The following GPHN variants were observed in gnomAD, a reference collection of about 807,000 sequenced individuals.
GPHN encodes the protein gephyrin.
In GPHN, 17 loss-of-function variants were observed where a neutral mutation model predicts 95.5. That is an observed-to-expected ratio of 0.18 (90% confidence interval 0.12 to 0.27). GPHN has a LOEUF of 0.27. Among genes scored for constraint, GPHN ranks in the 10% least tolerant of loss-of-function variants. The probability of loss-of-function intolerance (pLI) is 1.00; values close to 1 mark genes in which losing one functional copy is unlikely to be tolerated. For missense variants in GPHN, 660 were observed against 978.1 expected, an observed-to-expected ratio of 0.67 and a Z score of 4.34; for synonymous variants, 320 against 322.5, an observed-to-expected ratio of 0.99 and a Z score of 0.08.
chr14:67,546,696 C>G, the GPHN span, among the ~76,000 whole-genome samples: 1 of 152,128 alleles, frequency 6.6e-6, no homozygotes, highest in Non-Finnish European at 1.5e-5. Flanking sequence ...AGGCAGCAGA[C>G]ACATGTTTTT....
chr14:67,154,641 T>C (rs74056490), intron 18 of GPHN, among the ~76,000 whole-genome samples: 2,612 of 151,654 alleles, frequency 0.017, 88 homozygotes, highest in African/African-American at 0.06. Flanking sequence ...AAAAGAGAAG[T>C]TTCCTGTTCT....
chr14:67,301,700 C>A, the GPHN span, among the ~76,000 whole-genome samples: 23 of 152,016 alleles, frequency 1.5e-4, no homozygotes, highest in Non-Finnish European at 2.5e-4. Flanking sequence ...ATTCTTCCCC[C>A]CTTTGGTTGT....
intron 1 of GPHN, among the ~76,000 whole-genome samples, chr14:66,600,511 A>T (rs1272533537): frequency 6.6e-6 from 1 of 152,112 alleles, no homozygotes; most frequent in Non-Finnish European, 1.5e-5. Flanking sequence ...TTCACCTATC[A>T]ATACGTAACT....
At chr14:66,600,524 T>A (rs935056949) in intron 1 of GPHN, among the ~76,000 whole-genome samples, 7 of 152,142 alleles carry the variant, frequency 4.6e-5, no homozygotes, top group African/African-American at 7.2e-5. Flanking sequence ...ACGTAACTTT[T>A]AAAAAATGTG....
At chr14:67,662,536 C>T in the GPHN span, 1 of 1,607,682 alleles carries the variant, frequency 6.2e-7, no homozygotes, top group Non-Finnish European at 8.5e-7. Context: ...TTCTTTTCTT[C>T]TAGAAAAGAT....
chr14:66,934,138 CAA>C (rs376252931), intron 8 of GPHN, among the ~76,000 whole-genome samples: 19 of 78,910 alleles, frequency 2.4e-4, no homozygotes, highest in East Asian at 3.2e-4. Flanking sequence ...GACTCTGTCT[CAA>C]AAAAAAAAAA....
the GPHN span, chr14:67,388,106 G>A: frequency 1.5e-6 from 1 of 661,134 alleles, no homozygotes; most frequent in Non-Finnish European, 2.7e-6. Context: ...ACACCACTCT[G>A]TCTCATGGAG....
chr14:66,634,489 G>A (rs368465258), intron 1 of GPHN, among the ~76,000 whole-genome samples: 2 of 152,144 alleles, frequency 1.3e-5, no homozygotes, highest in African/African-American at 2.4e-5. Flanking sequence ...AGGCCTCTAG[G>A]TGTCACGTGG....
At chr14:67,209,587 AG>A in the GPHN span, among the ~76,000 whole-genome samples, 1 of 152,182 alleles carries the variant, frequency 6.6e-6, no homozygotes, top group East Asian at 1.9e-4. Context: ...TGGGAGGCTG[AG>A]GCGGGCAGAT....
At chr14:67,312,698 G>T in the GPHN span, 1 of 1,605,964 alleles carries the variant, frequency 6.2e-7, no homozygotes, top group Non-Finnish European at 8.5e-7. Context: ...ACCTCTAGCC[G>T]GGCTTGTTCC....
At chr14:67,297,226 A>T in the GPHN span, among the ~76,000 whole-genome samples, 10 of 152,364 alleles carry the variant, frequency 6.6e-5, no homozygotes, top group Non-Finnish European at 1.5e-4. Context: ...ATTAGTATTC[A>T]ACATTTTTTG....
At chr14:67,109,736 A>T (rs1390825361) in intron 13 of GPHN, among the ~76,000 whole-genome samples, 1 of 152,232 alleles carries the variant, frequency 6.6e-6, no homozygotes, top group Non-Finnish European at 1.5e-5. Context: ...TCAATAAGTT[A>T]TGAAGATTTT....
At chr14:67,460,673 C>T in the GPHN span, among the ~76,000 whole-genome samples, 1 of 152,286 alleles carries the variant, frequency 6.6e-6, no homozygotes, top group East Asian at 1.9e-4. Context: ...CACTGCTTTC[C>T]AGCCTGGGCA....
the GPHN span, chr14:67,382,521 C>A: frequency 6.2e-7 from 1 of 1,613,840 alleles, no homozygotes; most frequent in Non-Finnish European, 8.5e-7. Context: ...TTTCTGTCCT[C>A]AGTCAAGCTA....
At chr14:67,403,666 C>A in the GPHN span, among the ~76,000 whole-genome samples, 19 of 152,194 alleles carry the variant, frequency 1.2e-4, no homozygotes, top group Admixed American at 1.2e-3. Context: ...ACTACGTAGA[C>A]AAGAAATTCA....
chr14:66,986,543 C>G (rs909302375), intron 9 of GPHN, among the ~76,000 whole-genome samples: 2 of 152,098 alleles, frequency 1.3e-5, no homozygotes, highest in African/African-American at 4.8e-5. Context: ...AGTTATCACT[C>G]TTATGAAACA....
intron 1 of GPHN, among the ~76,000 whole-genome samples, chr14:66,665,594 G>C (rs564435245): frequency 6.6e-6 from 1 of 152,306 alleles, no homozygotes; most frequent in South Asian, 2.1e-4. Flanking sequence ...AAAGAGTCAG[G>C]AAACAACAAG....
Position 66,973,664 on chromosome 14 carries a change from C to G in GPHN, c.963+8339C>G, listed in dbSNP as rs187229068. Among the ~76,000 whole-genome samples, 1,140 of 152,222 alleles carry G rather than the reference C, an allele frequency of 7.5e-3. 8 individuals are homozygous for G. The highest frequency in any genetic ancestry group is 0.01 in the Non-Finnish European group (713 of 67,996). ...ATCCCAGCTACTCGGGAGGCTGAGG[C>G]AGGAGAATCGCTTGAACCCGAGAGG... is the stretch of plus-strand genomic sequence containing the variant. On this transcript the variant is annotated intron_variant, in intron 9 of 22. Transcript: ENST00000478722.
chr14:67,188,917 T>G, the GPHN span, among the ~76,000 whole-genome samples: 1 of 151,994 alleles, frequency 6.6e-6, no homozygotes, highest in African/African-American at 2.4e-5. Flanking sequence ...TCTCAAACTC[T>G]TGGGCTCAAA....
Sources: allele counts gnomAD v4.1 joint callset (sites outside exome capture counted in the v4.1 genomes callset), GRCh38; gene constraint gnomAD v4.1.1; transcripts MANE v1.5; gene names NCBI Gene and HGNC (gene_info 2026-07-23, HGNC 2026-07-21).